Variants in NEK11 observed in about 807,000 individuals in gnomAD.
NEK11 encodes the protein serine/threonine-protein kinase Nek11.
Under a neutral mutation model 80.7 loss-of-function variants are expected in NEK11, and 72 were observed. The ratio of observed to expected loss-of-function variants is 0.89; its 90% CI spans 0.74 to 1.08. The LOEUF is 1.08. NEK11 is among the 50% of genes least tolerant of loss of function. The pLI, the probability that NEK11 is intolerant of heterozygous loss-of-function variation, is 0.00. For synonymous variants in NEK11, 251 were observed against 260.7 expected (o/e 0.96, Z 0.36); for missense variants, 764 against 763.6 (o/e 1.00, Z -0.01).
intron 3 of NEK11, among the ~76,000 whole-genome samples, chr3:131,068,970 G>T (rs1185836111): frequency 1.3e-5 from 2 of 152,042 alleles, no homozygotes; most frequent in Non-Finnish European, 2.9e-5. Flanking sequence ...TAGTTAAAAA[G>T]TTGTAGCTCA....
intron 3 of NEK11, among the ~76,000 whole-genome samples, chr3:131,075,372 G>T (rs886338544): frequency 6.6e-6 from 1 of 152,128 alleles, no homozygotes; most frequent in Non-Finnish European, 1.5e-5. Context: ...AACTCCATCT[G>T]TAGTATAATG....
intron 12 of NEK11, among the ~76,000 whole-genome samples, chr3:131,167,339 A>C (rs1006313650): frequency 6.6e-6 from 1 of 152,170 alleles, no homozygotes. Flanking sequence ...AAAATTGAGA[A>C]GTACAGGCAT....
intron 14 of NEK11, among the ~76,000 whole-genome samples, chr3:131,213,552 C>T (rs1056420794): frequency 4.6e-5 from 7 of 152,056 alleles, no homozygotes; most frequent in African/African-American, 7.2e-5. Context: ...AGGGAGAGGC[C>T]GCCTATGGTA....
intron 11 of NEK11, among the ~76,000 whole-genome samples, chr3:131,164,226 G>A (rs1008025613): frequency 9.2e-5 from 14 of 152,156 alleles, no homozygotes; most frequent in South Asian, 4.1e-4. Context: ...TGGGTTTGAA[G>A]GGGACTGCTT....
At chr3:131,158,423 C>T (rs2091060186) in intron 10 of NEK11, among the ~76,000 whole-genome samples, 1 of 152,164 alleles carries the variant, frequency 6.6e-6, no homozygotes, top group African/African-American at 2.4e-5. Flanking sequence ...ACCTCCCCTG[C>T]CATTGCAATC....
At chr3:131,307,968 T>C (rs1185670858) in intron 17 of NEK11, among the ~76,000 whole-genome samples, 3 of 152,252 alleles carry the variant, frequency 2.0e-5, no homozygotes, top group African/African-American at 7.2e-5. Context: ...AAATGTTTGC[T>C]TCTCACTTTT....
intron 17 of NEK11, among the ~76,000 whole-genome samples, chr3:131,317,729 G>A (rs2096854711): frequency 6.9e-6 from 1 of 145,214 alleles, no homozygotes; most frequent in South Asian, 2.2e-4. Context: ...ACCCTTGGGT[G>A]ACATAGTGAA....
chr3:131,135,217 T>C (rs1056055149), intron 7 of NEK11, among the ~76,000 whole-genome samples: 2 of 152,204 alleles, frequency 1.3e-5, no homozygotes, highest in African/African-American at 2.4e-5. Flanking sequence ...GGTCTGGGTA[T>C]GGCAATTCCC....
At chr3:131,225,675 C>T (rs757444508) in intron 14 of NEK11, among the ~76,000 whole-genome samples, 4 of 152,100 alleles carry the variant, frequency 2.6e-5, no homozygotes, top group Admixed American at 6.6e-5. Context: ...ATGCCAAAGC[C>T]AGCATTCTAA....
chr3:131,346,447 A>C (rs976851399), intron 17 of NEK11, among the ~76,000 whole-genome samples: 46 of 152,322 alleles, frequency 3.0e-4, no homozygotes, highest in Admixed American at 2.2e-3. Flanking sequence ...TGCCATTCTG[A>C]ATCAAGATTA....
intron 3 of NEK11, among the ~76,000 whole-genome samples, chr3:131,079,025 C>T (rs896566041): frequency 6.6e-6 from 1 of 151,958 alleles, no homozygotes; most frequent in Non-Finnish European, 1.5e-5. Flanking sequence ...ACTGTCTTTT[C>T]AGTTACTTGA....
intron 17 of NEK11, among the ~76,000 whole-genome samples, chr3:131,303,549 C>T (rs1210248166): frequency 6.6e-6 from 1 of 152,098 alleles, no homozygotes; most frequent in Non-Finnish European, 1.5e-5. Context: ...TTAGAATTTG[C>T]TTGTCTTAAA....
chr3:131,171,002 T>A (rs1560776319), intron 14 of NEK11, 115 bp downstream of exon 14: 1 of 784,978 alleles, frequency 1.3e-6, no homozygotes, highest in East Asian at 2.4e-5. Context: ...TGTGTGCAGC[T>A]ATTATCAGTT....
chr3:131,200,633 A>G (rs956736561), intron 14 of NEK11, among the ~76,000 whole-genome samples: 1 of 152,230 alleles, frequency 6.6e-6, no homozygotes, highest in Admixed American at 6.5e-5. Flanking sequence ...GGAAAGGACT[A>G]TCAGGCCTCT....
chr3:131,037,366 CT>C (rs1223483350), intron 3 of NEK11, among the ~76,000 whole-genome samples: 1 of 151,858 alleles, frequency 6.6e-6, no homozygotes, highest in Non-Finnish European at 1.5e-5. Flanking sequence ...TCACTGCAGC[CT>C]CCATCTCCCA....
rs55944737 is a variant in NEK11, at chr3:131,349,654, G to T, written c.1816G>T (p.Glu606Ter). 3.1e-6 allele frequency: 5 copies of T among 1,614,166 alleles called. No homozygotes were observed. The highest frequency in any genetic ancestry group is 4.2e-6 in the Non-Finnish European group (5 of 1,180,012). ...GAATGCTAGCGAAGCAGAGATCCGC[G>T]AGTGTTTGGAAAAAGTGGTGCCTCA... ...HQNASEAEIR[E>*]CLEKVVPQAS... The change falls in exon 18 of 18, where the codon GAG (glutamate) becomes TAG (stop). Residue 606 changes from glutamate (E) to a stop codon, truncating the protein, a stop_gained. Transcript: ENST00000383366. LOFTEE classifies it low-confidence loss of function (END_TRUNC).
intron 17 of NEK11, among the ~76,000 whole-genome samples, chr3:131,347,437 G>C (rs544312056): frequency 6.6e-6 from 1 of 152,218 alleles, no homozygotes; most frequent in South Asian, 2.1e-4. Context: ...CTTTAAACCA[G>C]AGCTAGAAGA....
intron 17 of NEK11, among the ~76,000 whole-genome samples, chr3:131,348,811 T>A (rs1320668671): frequency 6.6e-6 from 1 of 152,020 alleles, no homozygotes; most frequent in Non-Finnish European, 1.5e-5. Context: ...CTCAGTTTCT[T>A]CATCTGTAAA....
intron 17 of NEK11, among the ~76,000 whole-genome samples, chr3:131,320,174 A>AAAAATT (rs770792192): frequency 8.5e-5 from 13 of 152,200 alleles, no homozygotes; most frequent in Non-Finnish European, 1.5e-4. Context: ...AAAATAAAAG[A>AAAAATT]AAAATTAAAT....
Sources: allele counts gnomAD v4.1 joint callset (sites outside exome capture counted in the v4.1 genomes callset), GRCh38; gene constraint gnomAD v4.1.1; transcripts MANE v1.5; gene names NCBI Gene and HGNC (gene_info 2026-07-23, HGNC 2026-07-21).